The following LAMA4 variants were observed in gnomAD, a reference collection of about 807,000 sequenced individuals.
LAMA4 encodes the protein laminin subunit alpha-4.
In LAMA4, 127 loss-of-function variants were observed where a neutral mutation model predicts 207.1. That is an observed-to-expected ratio of 0.61 (90% CI 0.53 to 0.71). LAMA4 has a LOEUF of 0.71. Among genes scored for constraint, LAMA4 ranks in the 30% least tolerant of loss-of-function variants. LAMA4 has a pLI of 0.00. For synonymous variants in LAMA4, 761 were observed against 816.0 expected, an observed-to-expected ratio of 0.93 and a Z score of 1.15; for missense variants, 2,093 against 2,246.5, an observed-to-expected ratio of 0.93 and a Z score of 1.38.
At chr6:112,153,893 ATAAG>A (rs1339493545) in intron 16 of LAMA4, among the ~76,000 whole-genome samples, 1 of 151,722 alleles carries the variant, frequency 6.6e-6, no homozygotes, top group African/African-American at 2.4e-5. Flanking sequence ...TGGGAAATAA[ATAAG>A]TATCTGTGTA....
chr6:112,143,870 T>C (rs939977741), intron 19 of LAMA4, among the ~76,000 whole-genome samples: 12 of 152,204 alleles, frequency 7.9e-5, no homozygotes, highest in African/African-American at 2.9e-4. Flanking sequence ...AAACCTTTTT[T>C]GAAAATGTTC....
chr6:112,111,492 A>G (rs1777692853), intron 38 of LAMA4, among the ~76,000 whole-genome samples: 1 of 152,182 alleles, frequency 6.6e-6, no homozygotes, highest in African/African-American at 2.4e-5. Context: ...GTATTCTTGG[A>G]GAATTCAGTG....
chr6:112,240,343 A>T (rs1184194753), intron 2 of LAMA4, among the ~76,000 whole-genome samples: 2 of 152,166 alleles, frequency 1.3e-5, no homozygotes, highest in African/African-American at 2.4e-5. Context: ...GCAATGGGAA[A>T]TAAGCACACC....
intron 38 of LAMA4, among the ~76,000 whole-genome samples, chr6:112,113,589 C>G (rs1777832048): frequency 6.6e-6 from 1 of 151,008 alleles, no homozygotes; most frequent in South Asian, 2.1e-4. Context: ...AGCTGGGAAC[C>G]TCTCTGAGGG....
At chr6:112,133,532 G>C in intron 26 of LAMA4, 45 bp from the exon 27 acceptor site, 1 of 1,610,134 alleles carries the variant, frequency 6.2e-7, no homozygotes, top group Non-Finnish European at 8.5e-7. Context: ...TGATGATGAT[G>C]TTACCCTGCA....
chr6:112,150,509 A>G lies in LAMA4; in HGVS notation c.2173+2T>C. The G allele has an allele frequency of 6.4e-7, 1 of 1,574,658 alleles. No homozygotes were observed. Among genetic ancestry groups the G allele is most frequent in the Non-Finnish European group, 8.7e-7 (1 of 1,144,080 alleles). ...GAGACTTCAATTCTCTCTGATGCTTACCTCTCTCTGCTGCTTGTAGTTGCT... is the reference window on the plus strand; with the variant it reads ...GAGACTTCAATTCTCTCTGATGCTTGCCTCTCTCTGCTGCTTGTAGTTGCT... On this transcript the variant is annotated splice_donor_variant, in intron 17 of 38. Transcript: ENST00000230538. LOFTEE classifies it high-confidence loss of function.
chr6:112,170,321 C>T (rs1396477548), intron 12 of LAMA4, among the ~76,000 whole-genome samples: 1 of 152,182 alleles, frequency 6.6e-6, no homozygotes, highest in African/African-American at 2.4e-5. Context: ...CCTACCAGGA[C>T]CGGTCTGGGT....
intron 14 of LAMA4, 152 bp downstream of exon 14, chr6:112,158,580 C>CCAAA (rs1318038722): frequency 5.3e-6 from 4 of 759,938 alleles, no homozygotes; most frequent in Non-Finnish European, 8.9e-6. Context: ...AACCAAGGAA[C>CCAAA]CAACCAACCA....
At chr6:112,197,592 A>T (rs1783495523) in intron 5 of LAMA4, among the ~76,000 whole-genome samples, 1 of 152,230 alleles carries the variant, frequency 6.6e-6, no homozygotes. Flanking sequence ...AAATTTTCAA[A>T]TACAACATAA....
At chr6:112,229,626 T>C (rs1317918075) in intron 2 of LAMA4, among the ~76,000 whole-genome samples, 1 of 152,220 alleles carries the variant, frequency 6.6e-6, no homozygotes, top group African/African-American at 2.4e-5. Flanking sequence ...ACAAGGCATA[T>C]TTCTGGAATA....
intron 27 of LAMA4, among the ~76,000 whole-genome samples, chr6:112,133,137 C>T (rs542501452): frequency 1.7e-4 from 26 of 152,262 alleles, no homozygotes; most frequent in Middle Eastern, 3.4e-3. Context: ...GTGTTAGATG[C>T]CCCACCCATG....
At chr6:112,245,446 T>C (rs1786841283) in intron 2 of LAMA4, among the ~76,000 whole-genome samples, 1 of 152,224 alleles carries the variant, frequency 6.6e-6, no homozygotes, top group Admixed American at 6.5e-5. Flanking sequence ...CCATGTTGCA[T>C]TTCACTTTGT....
intron 31 of LAMA4, among the ~76,000 whole-genome samples, chr6:112,122,760 C>T (rs1359883995): frequency 6.6e-6 from 1 of 152,040 alleles, no homozygotes; most frequent in Non-Finnish European, 1.5e-5. Flanking sequence ...AATTGCATGG[C>T]CGATGCTAAA....
At chr6:112,189,063 C>T (rs782223301) in intron 7 of LAMA4, 47 bp downstream of exon 7, 9 of 1,324,118 alleles carry the variant, frequency 6.8e-6, no homozygotes, top group South Asian at 5.9e-5. Flanking sequence ...ACACCTGCAG[C>T]ACATTAGAGA....
At chr6:112,209,935 G>A (rs1362509705) in intron 3 of LAMA4, among the ~76,000 whole-genome samples, 2 of 152,122 alleles carry the variant, frequency 1.3e-5, no homozygotes, top group East Asian at 3.9e-4. Flanking sequence ...ATGGCTTAGC[G>A]TGATTCCCCT....
chr6:112,142,010 A>G, intron 20 of LAMA4, 109 bp downstream of exon 20: 1 of 1,039,290 alleles, frequency 9.6e-7, no homozygotes, highest in Non-Finnish European at 1.5e-6. Context: ...CTGAGTTACC[A>G]GAATGGGCAT....
At chr6:112,139,408 A>T in intron 23 of LAMA4, 117 bp from the exon 24 acceptor site, 1 of 1,093,950 alleles carries the variant, frequency 9.1e-7, no homozygotes, top group South Asian at 1.3e-5. Flanking sequence ...ATTTAAATGA[A>T]GTCCTGTTGT....
chr6:112,137,821 C>T (rs1554332002), intron 24 of LAMA4, among the ~76,000 whole-genome samples: 1 of 152,072 alleles, frequency 6.6e-6, no homozygotes, highest in Non-Finnish European at 1.5e-5. Context: ...ATGAATTATT[C>T]TAAATTTGTT....
chr6:112,148,380 A>T (rs186777142), intron 17 of LAMA4, 44 bp from the exon 18 acceptor site: 2 of 1,604,468 alleles, frequency 1.2e-6, no homozygotes, highest in Admixed American at 3.3e-5. Flanking sequence ...GAGAAGCCGG[A>T]TATTTGTTGG....
Sources: gnomAD v4.1 joint callset for allele counts (sites outside exome capture counted in the v4.1 genomes callset) on GRCh38, gnomAD v4.1.1 for gene constraint, MANE v1.5 for transcripts, NCBI Gene and HGNC (gene_info 2026-07-23, HGNC 2026-07-21) for gene names.